Variants in ADAMTS12 observed in about 807,000 individuals in gnomAD.
ADAMTS12 encodes A disintegrin and metalloproteinase with thrombospondin motifs 12.
A neutral mutation model predicts 167.8 loss-of-function variants in ADAMTS12; 118 were observed. The observed-to-expected ratio is 0.70, with a 90% CI of 0.61 to 0.82. The LOEUF is 0.82. ADAMTS12 is among the 40% of genes least tolerant of loss of function. ADAMTS12 has a pLI of 0.00. For missense variants in ADAMTS12, 1,916 were observed against 1,998.8 expected, an observed-to-expected ratio of 0.96 and a Z score of 0.79; for synonymous variants, 704 against 716.9, an observed-to-expected ratio of 0.98 and a Z score of 0.29.
chr5:33,743,367 G>A (rs1461009164), intron 3 of ADAMTS12, among the ~76,000 whole-genome samples: 2 of 152,184 alleles, frequency 1.3e-5, no homozygotes, highest in African/African-American at 4.8e-5. Flanking sequence ...TCCTCCCCCT[G>A]CCCACAGGAA....
intron 2 of ADAMTS12, among the ~76,000 whole-genome samples, chr5:33,808,068 C>A (rs1216349582): frequency 6.6e-6 from 1 of 152,148 alleles, no homozygotes; most frequent in Non-Finnish European, 1.5e-5. Flanking sequence ...CTTCAAAGTT[C>A]TCAAGGAAGG....
chr5:33,842,805 G>A (rs1748792816), intron 2 of ADAMTS12, among the ~76,000 whole-genome samples: 1 of 152,152 alleles, frequency 6.6e-6, no homozygotes, highest in Non-Finnish European at 1.5e-5. Context: ...GGATAACAGT[G>A]GGGTGCGAAC....
intron 2 of ADAMTS12, among the ~76,000 whole-genome samples, chr5:33,780,016 T>A (rs1431412244): frequency 6.6e-6 from 1 of 152,204 alleles, no homozygotes; most frequent in Non-Finnish European, 1.5e-5. Context: ...AACTGTGAGA[T>A]GATGGATATG....
intron 2 of ADAMTS12, among the ~76,000 whole-genome samples, chr5:33,858,964 C>T (rs1304787907): frequency 2.0e-5 from 3 of 152,080 alleles, no homozygotes; most frequent in Non-Finnish European, 2.9e-5. Context: ...CCTTGAGGAA[C>T]GGTGCACTCC....
At chr5:33,597,143 G>A (rs986586242) in intron 16 of ADAMTS12, among the ~76,000 whole-genome samples, 1 of 152,152 alleles carries the variant, frequency 6.6e-6, no homozygotes, top group Non-Finnish European at 1.5e-5. Context: ...AAGTCACAAA[G>A]GTTGAGAAAG....
At chr5:33,630,753 T>C (rs1739883309) in intron 13 of ADAMTS12, 27 bp downstream of exon 13, 1 of 1,595,420 alleles carries the variant, frequency 6.3e-7, no homozygotes, top group Non-Finnish European at 8.6e-7. Context: ...TTTATAAAGT[T>C]GTAGATTAAG....
chr5:33,876,559 C>T (rs140820625), intron 2 of ADAMTS12, among the ~76,000 whole-genome samples: 1 of 151,912 alleles, frequency 6.6e-6, no homozygotes, highest in Non-Finnish European at 1.5e-5. Context: ...AATCAGACAT[C>T]CATAGGCAAA....
At chr5:33,885,234 CA>C (rs1389970805) in intron 1 of ADAMTS12, among the ~76,000 whole-genome samples, 2 of 151,948 alleles carry the variant, frequency 1.3e-5, no homozygotes, top group African/African-American at 2.4e-5. Flanking sequence ...AATAAAGGGG[CA>C]ATAAATGTAT....
At chr5:33,646,019 A>T (rs1414529733) in intron 9 of ADAMTS12, among the ~76,000 whole-genome samples, 1 of 152,198 alleles carries the variant, frequency 6.6e-6, no homozygotes, top group African/African-American at 2.4e-5. Flanking sequence ...TCAAATGATG[A>T]GCAGAAGGGA....
chr5:33,734,494 A>T (rs979905778), intron 3 of ADAMTS12, among the ~76,000 whole-genome samples: 3 of 152,246 alleles, frequency 2.0e-5, no homozygotes, highest in African/African-American at 7.2e-5. Context: ...ACAATTGTGA[A>T]TTAAAAAAAT....
intron 5 of ADAMTS12, among the ~76,000 whole-genome samples, chr5:33,664,244 C>T (rs922515948): frequency 1.3e-5 from 2 of 152,006 alleles, no homozygotes; most frequent in Admixed American, 6.6e-5. Flanking sequence ...TAAAGTGGAA[C>T]GTATCACTTT....
intron 3 of ADAMTS12, among the ~76,000 whole-genome samples, chr5:33,692,441 A>C (rs1018191395): frequency 3.9e-5 from 6 of 152,244 alleles, no homozygotes; most frequent in Non-Finnish European, 8.8e-5. Context: ...GAAAAATAAA[A>C]GTATTTTTCA....
At chr5:33,642,499 C>T (rs1451182542) in intron 10 of ADAMTS12, among the ~76,000 whole-genome samples, 2 of 152,128 alleles carry the variant, frequency 1.3e-5, no homozygotes, top group Admixed American at 6.5e-5. Flanking sequence ...GGAAGTTCTT[C>T]ATTACATCAA....
intron 11 of ADAMTS12, among the ~76,000 whole-genome samples, chr5:33,640,458 C>A (rs576267872): frequency 6.6e-6 from 1 of 152,306 alleles, no homozygotes; most frequent in Non-Finnish European, 1.5e-5. Context: ...CAATAAGTCC[C>A]AGAGCAAATT....
intron 2 of ADAMTS12, among the ~76,000 whole-genome samples, chr5:33,852,654 C>T (rs1351173849): frequency 2.0e-5 from 3 of 152,086 alleles, no homozygotes; most frequent in East Asian, 1.9e-4. Flanking sequence ...GTTAGAGAAA[C>T]GGTCTGGTAG....
intron 2 of ADAMTS12, among the ~76,000 whole-genome samples, chr5:33,829,174 G>C (rs1341631133): frequency 6.6e-6 from 1 of 152,118 alleles, no homozygotes; most frequent in Non-Finnish European, 1.5e-5. Context: ...AATGGGAAAA[G>C]AACCCATTCA....
At chr5:33,672,040 C>T (rs1741718587) in intron 5 of ADAMTS12, among the ~76,000 whole-genome samples, 2 of 150,976 alleles carry the variant, frequency 1.3e-5, no homozygotes, top group South Asian at 4.2e-4. Flanking sequence ...CACACACCCA[C>T]ATACTCACAT....
At chr5:33,562,195 G>A (rs1290410480) in intron 19 of ADAMTS12, among the ~76,000 whole-genome samples, 1 of 152,112 alleles carries the variant, frequency 6.6e-6, no homozygotes, top group African/African-American at 2.4e-5. Flanking sequence ...TGATGCTGTT[G>A]GTCCTCAGAT....
chr5:33,535,962 G>A (rs551711552), intron 22 of ADAMTS12, among the ~76,000 whole-genome samples: 2 of 152,230 alleles, frequency 1.3e-5, no homozygotes, highest in East Asian at 3.9e-4. Flanking sequence ...CTAATGATAT[G>A]GTTCCACTGC....
Sources: gnomAD v4.1 joint callset for allele counts (sites outside exome capture counted in the v4.1 genomes callset) on GRCh38, gnomAD v4.1.1 for gene constraint, MANE v1.5 for transcripts, NCBI Gene and HGNC (gene_info 2026-07-23, HGNC 2026-07-21) for gene names.